The following LAMC1 variants were observed in gnomAD, a reference collection of about 807,000 sequenced individuals.
LAMC1 encodes laminin subunit gamma 1.
Under a neutral mutation model 173.6 loss-of-function variants are expected in LAMC1, and 38 were observed. The ratio of observed to expected loss-of-function variants is 0.22; its 90% CI spans 0.17 to 0.29. The LOEUF (loss-of-function observed/expected upper bound fraction) is 0.29, where lower values mean the gene tolerates loss of function less well. LAMC1 is among the 10% of genes least tolerant of loss of function. The pLI is 1.00. For missense variants in LAMC1, 1,824 were observed against 2,051.8 expected, an observed-to-expected ratio of 0.89 and a Z score of 2.14; for synonymous variants, 746 against 749.1, an observed-to-expected ratio of 1.00 and a Z score of 0.07.
At chr1:183,055,956 T>TTATA (rs1397406777) in intron 1 of LAMC1, among the ~76,000 whole-genome samples, 1 of 152,192 alleles carries the variant, frequency 6.6e-6, no homozygotes, top group Non-Finnish European at 1.5e-5. Flanking sequence ...AAGAGAGAGA[T>TTATA]TATAGAGTTA....
rs1558053404 is a variant in LAMC1 at position 183,117,121 on chromosome 1, A to G, written c.1565-199A>G. 5 of 671,378 alleles carry G rather than the reference A, an allele frequency of 7.4e-6. No homozygotes were observed. In the South Asian group the frequency reaches 1.2e-4, roughly 16 times the overall value. 41.6% of individuals were successfully genotyped at this position (671,378 alleles called of 1,614,324 possible). On this transcript the variant is annotated intron_variant, in intron 8 of 27. Transcript: ENST00000258341. Reference sequence around the variant, plus strand: ...AATGAATGGTGATTACAAATGTTATATAAATAGTAATAAAGTAAAATATAG... The same window carrying G: ...AATGAATGGTGATTACAAATGTTATGTAAATAGTAATAAAGTAAAATATAG...
chr1:183,116,129 CA>C (rs10689019), intron 6 of LAMC1, among the ~76,000 whole-genome samples: 116 of 127,350 alleles, frequency 9.1e-4, no homozygotes, highest in Middle Eastern at 4.2e-3. Context: ...GACTCTGTCT[CA>C]AAAAAAAAAA....
intron 4 of LAMC1, 77 bp from the exon 5 acceptor site, chr1:183,114,452 TTA>T (rs1228765760): frequency 7.3e-7 from 1 of 1,370,382 alleles, no homozygotes; most frequent in Non-Finnish European, 1.0e-6. Context: ...ATGTGGGAAA[TTA>T]TGTTTGGTTT....
At chr1:183,039,305 G>T (rs1654065605) in intron 1 of LAMC1, among the ~76,000 whole-genome samples, 1 of 152,154 alleles carries the variant, frequency 6.6e-6, no homozygotes, top group Admixed American at 6.5e-5. Flanking sequence ...GAGCAATTGT[G>T]TACTTGAATT....
intron 1 of LAMC1, among the ~76,000 whole-genome samples, chr1:183,067,354 T>C (rs1358344528): frequency 6.6e-6 from 1 of 152,220 alleles, no homozygotes; most frequent in African/African-American, 2.4e-5. Context: ...AATAAAACGA[T>C]GAGTGTGTCT....
At chr1:183,084,345 G>GA (rs372863204) in intron 1 of LAMC1, among the ~76,000 whole-genome samples, 1,340 of 101,280 alleles carry the variant, frequency 0.013, 10 homozygotes, top group African/African-American at 0.037. Context: ...TCCGTCTCAA[G>GA]AAAAAAAAAA....
intron 3 of LAMC1, 99 bp from the exon 4 acceptor site, chr1:183,110,389 G>C (rs1656110199): frequency 2.2e-6 from 2 of 897,670 alleles, no homozygotes; most frequent in Non-Finnish European, 3.4e-6. Context: ...TTACACTTTT[G>C]AATGGTAAAA....
rs1217539621 is a variant in LAMC1 at position 183,125,407 on chromosome 1, C to T, written c.2658C>T (p.Cys886=). 1.9e-6 allele frequency: 3 copies of T among 1,613,962 alleles called. No homozygotes were observed. The East Asian group carries it at 6.7e-5, about 36-fold the overall frequency. Residue 886 remains cysteine, a synonymous_variant, in exon 15 of 28, where the codon TGC becomes TGT. Coordinates refer to ENST00000258341, the MANE Select transcript of LAMC1 (RefSeq NM_002293.4). ...GTCTTCCTGCCTTAGCCTGCAATTG[C>T]AATCTGTATGGGACCATGAAGCAGC... is the stretch of plus-strand genomic sequence containing the variant. The part of the protein sequence containing the change: ...NPADKCKACN[C]NLYGTMKQQS...
intron 24 of LAMC1, 49 bp downstream of exon 24, chr1:183,135,205 A>ATT (rs35182436): frequency 4.5e-6 from 4 of 893,504 alleles, no homozygotes; most frequent in Non-Finnish European, 7.0e-6. Context: ...CACTAGAGTG[A>ATT]TTTTTTTTTT....
Position 183,128,699 on chromosome 1 carries a change from G to C in LAMC1, c.3229G>C (p.Glu1077Gln). The C allele has an allele frequency of 6.2e-7, 1 of 1,613,616 alleles. No individual in the cohort carries two copies. The highest frequency in any genetic ancestry group is 1.1e-5 in the South Asian group (1 of 91,008). Reference sequence around the variant, plus strand: ...TCAAGCCTTCGAGGATAGACTAAAGGAAGCAGAGAGGGAAGTTATGGACCT... The same window carrying C: ...TCAAGCCTTCGAGGATAGACTAAAGCAAGCAGAGAGGGAAGTTATGGACCT... ...TDQAFEDRLK[E>Q]AEREVMDLLR... Residue 1077 changes from glutamate to glutamine, a missense_variant, in exon 18 of 28, where the codon GAA becomes CAA. Glu to Gln is a conservative substitution (Grantham distance 29, BLOSUM62 2). Transcript: ENST00000258341.
At chr1:183,065,616 G>A (rs1317907737) in intron 1 of LAMC1, among the ~76,000 whole-genome samples, 1 of 152,194 alleles carries the variant, frequency 6.6e-6, no homozygotes, top group African/African-American at 2.4e-5. Context: ...GGCTAGACTG[G>A]TGTTTGATCA....
chr1:183,131,462 T>TGTGTGTGTGTGTG lies in LAMC1; in HGVS notation c.3566+84_3566+85insGTGTGTGTGTGTG, dbSNP rs56123159. On this transcript the variant is annotated intron_variant, in intron 20 of 27. Coordinates refer to ENST00000258341, the MANE Select transcript of LAMC1 (RefSeq NM_002293.4). ...GTGTGTGTGTGTGTGTGTGTGTGTA[T>TGTGTGTGTGTGTG]TGTCTTATCCCATAACCCATAAACA... 443 of 837,786 alleles carry TGTGTGTGTGTGTG rather than the reference T, an allele frequency of 5.3e-4. 34 individuals carry two copies. Among genetic ancestry groups the TGTGTGTGTGTGTG allele is most frequent in the Middle Eastern group, 1.1e-3 (5 of 4,390 alleles). 51.9% of individuals were successfully genotyped at this position (837,786 alleles called of 1,614,324 possible).
At chr1:183,053,420 T>TG (rs1553253647) in intron 1 of LAMC1, among the ~76,000 whole-genome samples, 50,570 of 120,398 alleles carry the variant, frequency 0.42, 9,523 homozygotes, top group East Asian at 0.55. Flanking sequence ...TTTGTGTGTG[T>TG]TTTTTTTTTT....
At chr1:183,081,012 C>G (rs1655258807) in intron 1 of LAMC1, among the ~76,000 whole-genome samples, 1 of 152,084 alleles carries the variant, frequency 6.6e-6, no homozygotes, top group African/African-American at 2.4e-5. Context: ...CCTCAGCCTC[C>G]CAAGTAGCTG....
At chr1:183,114,385 A>T in intron 4 of LAMC1, 146 bp from the exon 5 acceptor site, 1 of 834,232 alleles carries the variant, frequency 1.2e-6, no homozygotes, top group Non-Finnish European at 2.0e-6. Context: ...TGTTGTTGTT[A>T]ATGAACAGTG....
At chr1:183,054,139 A>C (rs192468503) in intron 1 of LAMC1, among the ~76,000 whole-genome samples, 22 of 152,292 alleles carry the variant, frequency 1.4e-4, no homozygotes, top group African/African-American at 5.1e-4. Context: ...TTTCAGGTGC[A>C]TTTGTAAGGC....
intron 21 of LAMC1, 123 bp downstream of exon 21, chr1:183,132,660 T>A: frequency 1.4e-6 from 1 of 734,068 alleles, no homozygotes; most frequent in Non-Finnish European, 2.2e-6. Context: ...TTTCCTTTGT[T>A]AATCATGCTT....
In LAMC1 at chr1:183,142,818, CT is replaced by C; in HGVS notation, c.*29del. ...TCTTTAGGGCTGGAAGGCAGCATCC[CT>C]CTGACAGGGGGGCAGTTGTGAGGCC... On this transcript the variant is annotated 3_prime_UTR_variant, in exon 28 of 28. Transcript: ENST00000258341. The C allele has an allele frequency of 6.3e-7, 1 of 1,579,094 alleles. No homozygotes were observed. The highest frequency in any genetic ancestry group is 8.6e-7 in the Non-Finnish European group (1 of 1,163,756).
intron 1 of LAMC1, among the ~76,000 whole-genome samples, chr1:183,039,948 A>G (rs528745777): frequency 3.9e-5 from 6 of 152,328 alleles, no homozygotes; most frequent in Non-Finnish European, 8.8e-5. Context: ...AATTTTTGGT[A>G]AAAACCTTTG....
Sources: gnomAD v4.1 joint callset for allele counts (sites outside exome capture counted in the v4.1 genomes callset) on GRCh38, gnomAD v4.1.1 for gene constraint, MANE v1.5 for transcripts, NCBI Gene and HGNC (gene_info 2026-07-23, HGNC 2026-07-21) for gene names.